The following RBMS3 variants were observed in gnomAD, a reference collection of about 807,000 sequenced individuals.
RBMS3 encodes the protein RNA-binding motif, single-stranded-interacting protein 3.
In RBMS3, 27 loss-of-function variants were observed where a neutral mutation model predicts 66.8. The observed-to-expected ratio is 0.40, with a 90% confidence interval of 0.30 to 0.56. The LOEUF is 0.56. Ranked by LOEUF, RBMS3 falls within the 20% of genes least tolerant of loss-of-function variation. The pLI is 0.40. For synonymous variants in RBMS3, 188 were observed against 183.0 expected, an observed-to-expected ratio of 1.03 and a Z score of -0.22; for missense variants, 513 against 549.5, an observed-to-expected ratio of 0.93 and a Z score of 0.66.
chr3:29,466,801 A>G (rs1244345423), intron 2 of RBMS3, among the ~76,000 whole-genome samples: 1 of 152,074 alleles, frequency 6.6e-6, no homozygotes, highest in Non-Finnish European at 1.5e-5. Context: ...TTTTTTCTTA[A>G]TCTGTGATTT....
At chr3:29,367,766 A>G (rs2037988094) in intron 1 of RBMS3, among the ~76,000 whole-genome samples, 1 of 152,184 alleles carries the variant, frequency 6.6e-6, no homozygotes, top group Non-Finnish European at 1.5e-5. Context: ...ATATTCCCCT[A>G]TGCTTAATCA....
At chr3:29,826,332 C>A (rs1251486561) in intron 6 of RBMS3, among the ~76,000 whole-genome samples, 4 of 152,092 alleles carry the variant, frequency 2.6e-5, no homozygotes, top group Non-Finnish European at 5.9e-5. Context: ...TCAGAAATAT[C>A]CTTTTTTATG....
intron 4 of RBMS3, among the ~76,000 whole-genome samples, chr3:29,725,006 G>C (rs2053797996): frequency 6.6e-6 from 1 of 152,114 alleles, no homozygotes; most frequent in South Asian, 2.1e-4. Context: ...GTGAGTGAAT[G>C]ATCAAGAGCA....
intron 4 of RBMS3, among the ~76,000 whole-genome samples, chr3:29,609,863 G>A (rs7653805): frequency 0.31 from 47,681 of 151,790 alleles, 8,528 homozygotes; most frequent in African/African-American, 0.49. Context: ...AAGGGGATTC[G>A]TGCACAAAAA....
chr3:29,464,434 G>A (rs2125786074), intron 2 of RBMS3, among the ~76,000 whole-genome samples: 1 of 152,288 alleles, frequency 6.6e-6, no homozygotes, highest in South Asian at 2.1e-4. Context: ...AGTACCTCAA[G>A]CCTTTCCTTT....
At chr3:29,776,516 A>T (rs1298699464) in intron 6 of RBMS3, among the ~76,000 whole-genome samples, 1 of 151,722 alleles carries the variant, frequency 6.6e-6, no homozygotes, top group Non-Finnish European at 1.5e-5. Flanking sequence ...AAAGTATAGT[A>T]AAAAAAACCT....
At chr3:29,872,083 G>A (rs1166239166) in intron 7 of RBMS3, among the ~76,000 whole-genome samples, 4 of 151,948 alleles carry the variant, frequency 2.6e-5, no homozygotes, top group South Asian at 4.1e-4. Flanking sequence ...TAAAATGATC[G>A]AGGGATGGGG....
At chr3:29,358,313 C>A (rs981666688) in intron 1 of RBMS3, among the ~76,000 whole-genome samples, 1 of 152,156 alleles carries the variant, frequency 6.6e-6, no homozygotes, top group Admixed American at 6.5e-5. Flanking sequence ...ATCCTTTACC[C>A]ATTTCTTGAT....
chr3:29,958,690 A>G (rs1696205393), intron 12 of RBMS3, among the ~76,000 whole-genome samples: 1 of 152,164 alleles, frequency 6.6e-6, no homozygotes, highest in African/African-American at 2.4e-5. Flanking sequence ...CTTTAAGTTC[A>G]TTTGAAGAAT....
chr3:29,586,865 G>T (rs150821777), intron 3 of RBMS3, among the ~76,000 whole-genome samples: 2 of 151,954 alleles, frequency 1.3e-5, no homozygotes, highest in African/African-American at 2.4e-5. Context: ...GTTAAATTGG[G>T]TTACTGATTC....
At chr3:29,399,975 G>C (rs2039735162) in intron 1 of RBMS3, among the ~76,000 whole-genome samples, 1 of 152,094 alleles carries the variant, frequency 6.6e-6, no homozygotes. Flanking sequence ...ACATGTGCCA[G>C]GTTGCTGAAT....
At chr3:29,407,362 C>T (rs563097759) in intron 1 of RBMS3, among the ~76,000 whole-genome samples, 25 of 152,258 alleles carry the variant, frequency 1.6e-4, no homozygotes, top group Admixed American at 5.9e-4. Flanking sequence ...TGTATGTACA[C>T]GACCTTGGCA....
intron 6 of RBMS3, among the ~76,000 whole-genome samples, chr3:29,827,110 C>T (rs1248568563): frequency 6.6e-6 from 1 of 152,082 alleles, no homozygotes; most frequent in Non-Finnish European, 1.5e-5. Flanking sequence ...AGGTTAAGTG[C>T]CTGATCTGAG....
intron 4 of RBMS3, among the ~76,000 whole-genome samples, chr3:29,716,610 C>A (rs1375585734): frequency 1.3e-5 from 2 of 152,100 alleles, no homozygotes; most frequent in Non-Finnish European, 1.5e-5. Flanking sequence ...CTTTAAGAAT[C>A]ATTTTTAATA....
chr3:29,586,195 A>G (rs889352431), intron 3 of RBMS3, among the ~76,000 whole-genome samples: 8 of 152,100 alleles, frequency 5.3e-5, no homozygotes, highest in Admixed American at 5.2e-4. Flanking sequence ...AGCTGTCCTT[A>G]TACTCACTCT....
chr3:29,779,278 T>C lies in RBMS3; in HGVS notation c.637+16289T>C, dbSNP rs76445553. ...AAAATGATGTTCTTTTGTATGTGTG[T>C]GTGTGTATATATATGTAAACATATA... On this transcript the variant is annotated intron_variant, in intron 6 of 14. Transcript: ENST00000383767. Among the ~76,000 whole-genome samples, 396 of 151,126 alleles carry C rather than the reference T, an allele frequency of 2.6e-3. 9 individuals are homozygous for C. The East Asian group carries it at 0.058, about 22-fold the overall frequency.
chr3:29,340,652 G>C (rs1034930313), intron 1 of RBMS3, among the ~76,000 whole-genome samples: 1 of 152,076 alleles, frequency 6.6e-6, no homozygotes, highest in African/African-American at 2.4e-5. Flanking sequence ...CCTTTTGCCT[G>C]AATCTATTAT....
At chr3:29,711,244 T>C (rs746233588) in intron 4 of RBMS3, among the ~76,000 whole-genome samples, 1 of 152,158 alleles carries the variant, frequency 6.6e-6, no homozygotes, top group Non-Finnish European at 1.5e-5. Flanking sequence ...TACTGTACCT[T>C]AGGTAACTGA....
chr3:29,530,807 G>A (rs1394875876), intron 3 of RBMS3, among the ~76,000 whole-genome samples: 1 of 151,574 alleles, frequency 6.6e-6, no homozygotes, highest in East Asian at 1.9e-4. Context: ...AGGAGGCAGA[G>A]CTTGCAGTGA....
Sources: allele counts gnomAD v4.1 joint callset (sites outside exome capture counted in the v4.1 genomes callset), GRCh38; gene constraint gnomAD v4.1.1; transcripts MANE v1.5; gene names NCBI Gene and HGNC (gene_info 2026-07-23, HGNC 2026-07-21).